Variants in CTNND2 observed in about 807,000 individuals in gnomAD.
CTNND2 encodes catenin delta 2, also known as catenin delta-2.
In CTNND2, 22 loss-of-function variants were observed where a neutral mutation model predicts 144.4. The observed-to-expected ratio is 0.15, with a 90% confidence interval of 0.11 to 0.22. CTNND2 has a LOEUF of 0.22. CTNND2 is among the 10% of genes least tolerant of loss of function. CTNND2 has a pLI of 1.00. For missense variants in CTNND2, 1,353 were observed against 1,618.8 expected (o/e 0.84, Z 2.82); for synonymous variants, 751 against 695.6 (o/e 1.08, Z -1.25).
chr5:11,862,597 AG>A (rs1369428791), intron 1 of CTNND2, among the ~76,000 whole-genome samples: 4 of 152,328 alleles, frequency 2.6e-5, no homozygotes, highest in African/African-American at 9.6e-5. Context: ...TAATCCTAAA[AG>A]GTTGATATTT....
At chr5:11,454,627 T>TG (rs1355737165) in intron 3 of CTNND2, among the ~76,000 whole-genome samples, 1 of 151,810 alleles carries the variant, frequency 6.6e-6, no homozygotes. Flanking sequence ...GACAGAGTCT[T>TG]GCTCTGTTGC....
intron 1 of CTNND2, among the ~76,000 whole-genome samples, chr5:11,891,464 T>A (rs1736956638): frequency 6.6e-6 from 1 of 152,180 alleles, no homozygotes; most frequent in African/African-American, 2.4e-5. Flanking sequence ...CGTCTTCTCC[T>A]CACCCACCAA....
intron 12 of CTNND2, among the ~76,000 whole-genome samples, chr5:11,122,615 G>C (rs1178976580): frequency 6.6e-6 from 1 of 151,854 alleles, no homozygotes; most frequent in African/African-American, 2.4e-5. Context: ...CACATCCCTG[G>C]GCAGGCGCTC....
At chr5:11,083,703 A>G (rs1749839125) in intron 15 of CTNND2, among the ~76,000 whole-genome samples, 1 of 152,254 alleles carries the variant, frequency 6.6e-6, no homozygotes, top group Non-Finnish European at 1.5e-5. Context: ...TCACAAATGT[A>G]AGGGTTTTAC....
At chr5:11,902,794 A>G (rs1001867583) in intron 1 of CTNND2, among the ~76,000 whole-genome samples, 14 of 152,120 alleles carry the variant, frequency 9.2e-5, no homozygotes, top group African/African-American at 3.4e-4. Context: ...GAAAAGAAAA[A>G]AAAACACCTT....
chr5:11,185,191 G>A (rs976448707), intron 11 of CTNND2, among the ~76,000 whole-genome samples: 25 of 152,278 alleles, frequency 1.6e-4, no homozygotes, highest in African/African-American at 6.0e-4. Context: ...TCTTCATAAA[G>A]TCTTCCTTGA....
At chr5:11,479,484 G>A (rs1342231433) in intron 3 of CTNND2, among the ~76,000 whole-genome samples, 1 of 152,128 alleles carries the variant, frequency 6.6e-6, no homozygotes, top group Non-Finnish European at 1.5e-5. Flanking sequence ...CTTTATGATA[G>A]AACAATTTAT....
At chr5:11,006,522 C>G (rs1474916365) in intron 18 of CTNND2, among the ~76,000 whole-genome samples, 1 of 152,218 alleles carries the variant, frequency 6.6e-6, no homozygotes, top group Non-Finnish European at 1.5e-5. Context: ...ACTACAGGAG[C>G]AAGAAAATAA....
chr5:11,566,712 C>T (rs1777131897), intron 2 of CTNND2, among the ~76,000 whole-genome samples: 1 of 152,216 alleles, frequency 6.6e-6, no homozygotes, highest in Non-Finnish European at 1.5e-5. Context: ...CAGAATTCAT[C>T]AACCAGGGGC....
intron 16 of CTNND2, among the ~76,000 whole-genome samples, chr5:11,032,028 T>G (rs1484824669): frequency 6.6e-6 from 1 of 152,254 alleles, no homozygotes; most frequent in Non-Finnish European, 1.5e-5. Flanking sequence ...CCAATTCTCC[T>G]TAATAAACTT....
At chr5:11,039,765 T>C (rs564708613) in intron 16 of CTNND2, among the ~76,000 whole-genome samples, 1 of 152,044 alleles carries the variant, frequency 6.6e-6, no homozygotes, top group Non-Finnish European at 1.5e-5. Flanking sequence ...ACCATTATTT[T>C]AAAAAACAAG....
intron 2 of CTNND2, among the ~76,000 whole-genome samples, chr5:11,574,051 A>G (rs1478937623): frequency 6.6e-6 from 1 of 152,156 alleles, no homozygotes. Flanking sequence ...CTCTATCACA[A>G]TAATCTCTAG....
chr5:11,493,852 T>C (rs1581331896), intron 3 of CTNND2, among the ~76,000 whole-genome samples: 1 of 152,328 alleles, frequency 6.6e-6, no homozygotes, highest in East Asian at 1.9e-4. Flanking sequence ...TAATTTTCTC[T>C]ATAAATATTT....
chr5:11,020,014 G>T (rs1742069856), intron 17 of CTNND2, among the ~76,000 whole-genome samples: 1 of 152,182 alleles, frequency 6.6e-6, no homozygotes, highest in Admixed American at 6.5e-5. Flanking sequence ...TACACAATTG[G>T]AGTTTGATCT....
intron 2 of CTNND2, among the ~76,000 whole-genome samples, chr5:11,569,077 A>G (rs1777351910): frequency 6.6e-6 from 1 of 152,200 alleles, no homozygotes; most frequent in South Asian, 2.1e-4. Flanking sequence ...GGGGTAAAGG[A>G]TCACTAGTAT....
intron 2 of CTNND2, among the ~76,000 whole-genome samples, chr5:11,726,509 T>C (rs1192775741): frequency 1.3e-5 from 2 of 152,208 alleles, no homozygotes. Flanking sequence ...ATTTTTCCTA[T>C]CTAATGTTTT....
chr5:11,322,426 ATAT>A (rs1752128606), intron 9 of CTNND2, among the ~76,000 whole-genome samples: 1 of 152,230 alleles, frequency 6.6e-6, no homozygotes, highest in Non-Finnish European at 1.5e-5. Context: ...TTGCATAATA[ATAT>A]TATGCAATAA....
At chr5:11,632,387 A>G (rs1330635000) in intron 2 of CTNND2, among the ~76,000 whole-genome samples, 1 of 152,174 alleles carries the variant, frequency 6.6e-6, no homozygotes, top group African/African-American at 2.4e-5. Context: ...TAAGGATGCA[A>G]ACTCTGAGGA....
intron 13 of CTNND2, among the ~76,000 whole-genome samples, chr5:11,116,580 A>G (rs1280973408): frequency 6.6e-6 from 1 of 152,264 alleles, no homozygotes; most frequent in African/African-American, 2.4e-5. Context: ...AACACTGGAA[A>G]AGCCCACCCA....
Sources: gnomAD v4.1 joint callset for allele counts (sites outside exome capture counted in the v4.1 genomes callset) on GRCh38, gnomAD v4.1.1 for gene constraint, MANE v1.5 for transcripts, NCBI Gene and HGNC (gene_info 2026-07-23, HGNC 2026-07-21) for gene names.